The following ASPM variants were observed in gnomAD, a reference collection of about 807,000 sequenced individuals.
ASPM encodes abnormal spindle-like microcephaly-associated protein.
A neutral mutation model predicts 366.4 loss-of-function variants in ASPM; 256 were observed. The ratio of observed to expected loss-of-function variants is 0.70; its 90% confidence interval spans 0.63 to 0.77. ASPM has a LOEUF of 0.77. ASPM is among the 30% of genes least tolerant of loss of function. ASPM has a pLI of 0.00. For missense variants in ASPM, 4,146 were observed against 4,090.4 expected (o/e 1.01, Z -0.37); for synonymous variants, 1,414 against 1,342.9 (o/e 1.05, Z -1.16).
At position 197,103,693 on chromosome 1, in the gene ASPM, T is replaced by C. The variant is rs1215976394; in HGVS notation, c.5558A>G (p.Lys1853Arg). 16 of 1,612,932 alleles carry C rather than the reference T, an allele frequency of 9.9e-6. No homozygotes were observed. The highest frequency in any genetic ancestry group is 1.3e-5 in the Non-Finnish European group (15 of 1,179,388). The change falls in exon 18 of 28, where the codon AAG (lysine) becomes AGG (arginine). Residue 1853 changes from lysine to arginine, a missense_variant. Transcript: ENST00000367409. ...KYQSVLQSII[K>R]IQRWYRAYKT... ...GTACGCCCTGTACCATCTCTGAATC[T>C]TTATTATAGATTGAAGCACAGATTG...
chr1:197,109,755 A>C (rs946268437), intron 17 of ASPM, among the ~76,000 whole-genome samples: 23 of 152,050 alleles, frequency 1.5e-4, no homozygotes, highest in African/African-American at 5.3e-4. Flanking sequence ...TTTTTTTAAC[A>C]GGATTAATAG....
intron 3 of ASPM, among the ~76,000 whole-genome samples, chr1:197,141,249 T>C (rs948713762): frequency 6.6e-6 from 1 of 152,118 alleles, no homozygotes; most frequent in Non-Finnish European, 1.5e-5. Flanking sequence ...CAAATTTCGG[T>C]GTTTATGAAT....
intron 17 of ASPM, among the ~76,000 whole-genome samples, chr1:197,112,593 C>T (rs1351637587): frequency 2.0e-5 from 3 of 152,096 alleles, no homozygotes; most frequent in African/African-American, 7.2e-5. Context: ...CCCCTGTGCT[C>T]ACTGAGGTAA....
At chr1:197,129,344 C>A in intron 8 of ASPM, 27 bp from the exon 9 acceptor site, 1 of 1,607,496 alleles carries the variant, frequency 6.2e-7, no homozygotes, top group Non-Finnish European at 8.5e-7. Flanking sequence ...AAAAGCACAG[C>A]AAGTTAATCT....
chr1:197,095,822 C>A (rs1026858793), intron 19 of ASPM, among the ~76,000 whole-genome samples, 176 bp downstream of exon 19: 1 of 151,672 alleles, frequency 6.6e-6, no homozygotes, highest in African/African-American at 2.4e-5. Flanking sequence ...AAAAGCAAGA[C>A]AGTACGAGAG....
chr1:197,136,319 G>A (rs1156682525), intron 4 of ASPM, among the ~76,000 whole-genome samples: 1 of 152,090 alleles, frequency 6.6e-6, no homozygotes, highest in Admixed American at 6.5e-5. Context: ...AATATATAAA[G>A]CTCTCTGGTA....
chr1:197,091,074 C>A, intron 22 of ASPM, 33 bp from the exon 23 acceptor site: 2 of 1,532,094 alleles, frequency 1.3e-6, no homozygotes, highest in South Asian at 1.1e-5. Context: ...TTTTTCATTT[C>A]TACTTCAGGT....
Position 197,104,549 on chromosome 1 carries a change from AC to A in ASPM, c.4701del (p.Gln1567HisfsTer6). ...CTGTCTTGTCTCATTCTCCAGTATGACTGAATAACACAAGCAGCTCTAATTT... is the reference window on the plus strand; with the variant it reads ...CTGTCTTGTCTCATTCTCCAGTATGATGAATAACACAAGCAGCTCTAATTT... ...CRQIRAACVI[Q>X]SYWRMRQDRV... On this transcript the variant is annotated frameshift_variant, in exon 18 of 28. Coordinates refer to ENST00000367409, the MANE Select transcript of ASPM (RefSeq NM_018136.5). LOFTEE classifies it high-confidence loss of function. 6.2e-7 allele frequency: 1 copy of A among 1,612,768 alleles called. No homozygotes were observed. Among genetic ancestry groups the A allele is most frequent in the Non-Finnish European group, 8.5e-7 (1 of 1,179,336 alleles).
chr1:197,092,031 C>T lies in ASPM; in HGVS notation c.9320G>A (p.Arg3107Gln), dbSNP rs587783290. 1.1e-5 allele frequency: 17 copies of T among 1,611,498 alleles called. No individual in the cohort carries two copies. The highest frequency in any genetic ancestry group is 3.4e-4 in the Middle Eastern group (2 of 5,888). ...KRFLEQRAKI[R>Q]LLHFTAAAYY... ...TGCAGCTGCAGTGAAGTGAAGAAGT[C>T]GAATTTTGGCTCTCTGTTCTAAAAA... Residue 3107 changes from arginine (R) to glutamine (Q), a missense_variant, in exon 22 of 28, where the codon CGA becomes CAA. By Grantham distance (43) the Arg-to-Gln change is conservative. Transcript: ENST00000367409.
Position 197,138,307 on chromosome 1 carries a change from CT to C in ASPM, c.2026+1459del, listed in dbSNP as rs200515594. On this transcript the variant is annotated intron_variant, in intron 4 of 27. Transcript: ENST00000367409. ...GGACCTGTCTTCAGGGAGTTCACACCTTTTTATTTCTTGAGATGGAGTCCCG... is the reference window on the plus strand; with the variant it reads ...GGACCTGTCTTCAGGGAGTTCACACCTTTTATTTCTTGAGATGGAGTCCCG... Among the ~76,000 whole-genome samples, 1,112 of 152,222 alleles carry C rather than the reference CT, an allele frequency of 7.3e-3. 13 individuals are homozygous for C. Among genetic ancestry groups the C allele is most frequent in the African/African-American group, 0.025 (1,056 of 41,520 alleles).
At chr1:197,135,364 A>C (rs572270681) in intron 4 of ASPM, 122 bp from the exon 5 acceptor site, 5 of 1,021,036 alleles carry the variant, frequency 4.9e-6, no homozygotes, top group African/African-American at 1.6e-5. Flanking sequence ...TTGCTTTTCT[A>C]CTACTTGCAG....
chr1:197,125,312 G>C, intron 10 of ASPM, 121 bp from the exon 11 acceptor site: 1 of 1,235,614 alleles, frequency 8.1e-7, no homozygotes. Context: ...TGATCAGAAA[G>C]ACTTCAAAAA....
intron 7 of ASPM, 98 bp downstream of exon 7, chr1:197,132,187 C>G: frequency 1.0e-6 from 1 of 996,180 alleles, no homozygotes; most frequent in Non-Finnish European, 1.5e-6. Context: ...TGACTTTCAA[C>G]TTTTATAAGT....
In ASPM at chr1:197,104,460, TTGA is replaced by T. The variant is rs1657336161; in HGVS notation, c.4788_4790del (p.His1596del). ...TCATCTTCTTATATTTCTGTCGTTG[TTGA>T]TGTTTTCTTACATGTGCCTGAAATT... On this transcript the variant is annotated inframe_deletion, in exon 18 of 28. Transcript: ENST00000367409. 3 of 1,612,956 alleles carry T rather than the reference TTGA, an allele frequency of 1.9e-6. No individual in the cohort carries two copies. Among genetic ancestry groups the T allele is most frequent in the Non-Finnish European group, 2.5e-6 (3 of 1,179,402 alleles).
rs202002135 is a variant in ASPM, at chr1:197,133,344, T to A, written c.2419+6A>T. 192 of 1,611,470 alleles carry A rather than the reference T, an allele frequency of 1.2e-4. No homozygotes were observed. The highest frequency in any genetic ancestry group is 3.3e-4 in the Middle Eastern group (2 of 6,050). On this transcript the variant is annotated splice_donor_region_variant and intron_variant, in intron 6 of 27. Transcript: ENST00000367409. ...ATTAATGTCAAGATTTCTGCAGTCT[T>A]CTTACCCACATCTTTCCATAGGTGT...
intron 3 of ASPM, among the ~76,000 whole-genome samples, chr1:197,141,796 C>A (rs897484274): frequency 6.6e-6 from 1 of 152,106 alleles, no homozygotes; most frequent in Non-Finnish European, 1.5e-5. Flanking sequence ...ATAGTAGGTA[C>A]CTTATCAGTC....
intron 1 of ASPM, among the ~76,000 whole-genome samples, chr1:197,145,287 G>A (rs1005022886): frequency 2.0e-5 from 3 of 152,118 alleles, no homozygotes; most frequent in Non-Finnish European, 2.9e-5. Context: ...TTGGTGAAGG[G>A]GATTGGAGCA....
intron 7 of ASPM, among the ~76,000 whole-genome samples, chr1:197,131,022 C>T (rs767607608): frequency 1.3e-5 from 2 of 152,148 alleles, no homozygotes; most frequent in Non-Finnish European, 2.9e-5. Flanking sequence ...ATTGAGGTTC[C>T]AGAATTCTTT....
At chr1:197,125,257 A>T in intron 10 of ASPM, 66 bp from the exon 11 acceptor site, 2 of 1,561,118 alleles carry the variant, frequency 1.3e-6, no homozygotes, top group Non-Finnish European at 1.8e-6. Context: ...CCTTCACTGA[A>T]ATATAGTTAT....
Sources: allele counts gnomAD v4.1 joint callset (sites outside exome capture counted in the v4.1 genomes callset), GRCh38; gene constraint gnomAD v4.1.1; transcripts MANE v1.5; gene names NCBI Gene and HGNC (gene_info 2026-07-23, HGNC 2026-07-21).